Variants in ADGRF5 observed in about 807,000 individuals in gnomAD.
ADGRF5 encodes the protein adhesion G protein-coupled receptor F5, also known as G-protein coupled receptor 116.
In ADGRF5, 75 loss-of-function variants were observed where a neutral mutation model predicts 132.3. The ratio of observed to expected loss-of-function variants is 0.57; its 90% CI spans 0.47 to 0.69. The LOEUF is 0.69. Ranked by LOEUF, ADGRF5 falls within the 30% of genes least tolerant of loss-of-function variation. The pLI, the probability that ADGRF5 is intolerant of heterozygous loss-of-function variation, is 0.00. For missense variants in ADGRF5, 1,516 were observed against 1,630.6 expected (o/e 0.93, Z 1.21); for synonymous variants, 629 against 597.6 (o/e 1.05, Z -0.77).
chr6:46,893,518 C>G (rs1773870882), intron 3 of ADGRF5, among the ~76,000 whole-genome samples: 1 of 152,052 alleles, frequency 6.6e-6, no homozygotes, highest in Admixed American at 6.6e-5. Context: ...TTAGAAATGC[C>G]AAACCCACCT....
intron 20 of ADGRF5, among the ~76,000 whole-genome samples, chr6:46,855,353 T>C (rs1228221435): frequency 2.0e-5 from 3 of 152,218 alleles, no homozygotes; most frequent in Non-Finnish European, 1.5e-5. Flanking sequence ...TATATTTGCT[T>C]ATTTAATTCT....
Position 46,935,164 on chromosome 6 carries a change from C to A in ADGRF5, c.-25+19570G>T, listed in dbSNP as rs374776543. Reference sequence around the variant, plus strand: ...GACTACAGGCGTGTGCCACAAGGCCCGGCTAATTTTTTGTATCTTTAGTAG... The same window carrying A: ...GACTACAGGCGTGTGCCACAAGGCCAGGCTAATTTTTTGTATCTTTAGTAG... On this transcript the variant is annotated intron_variant, in intron 1 of 20. Coordinates refer to the ADGRF5 transcript ENST00000265417. Among the ~76,000 whole-genome samples the A allele has an allele frequency of 5.3e-4, 80 of 151,704 alleles. 1 individual carries two copies. The South Asian group carries it at 0.013, about 24-fold the overall frequency.
At chr6:46,951,514 A>C (rs981817822) in intron 1 of ADGRF5, among the ~76,000 whole-genome samples, 11 of 152,186 alleles carry the variant, frequency 7.2e-5, no homozygotes, top group Admixed American at 6.5e-5. Flanking sequence ...GCTAAGACAC[A>C]AATCTTTGGG....
intron 10 of ADGRF5, among the ~76,000 whole-genome samples, chr6:46,875,509 G>A (rs1771555142): frequency 6.6e-6 from 1 of 152,182 alleles, no homozygotes; most frequent in South Asian, 2.1e-4. Flanking sequence ...TTGAGGCCAG[G>A]TGTAGTGGCT....
intron 20 of ADGRF5, chr6:46,854,847 T>A (rs1424628921): frequency 1.0e-5 from 7 of 695,874 alleles, no homozygotes; most frequent in Non-Finnish European, 1.6e-5. Context: ...GGGACTTTCA[T>A]AATCAGAAGT....
intron 10 of ADGRF5, among the ~76,000 whole-genome samples, chr6:46,875,644 G>T (rs918966699): frequency 9.2e-5 from 14 of 152,094 alleles, no homozygotes; most frequent in Admixed American, 7.2e-4. Context: ...GGGTGTGGTG[G>T]CAGGCACCTA....
chr6:46,879,973 T>C lies in ADGRF5; in HGVS notation c.881A>G (p.Glu294Gly), dbSNP rs1221043037. ...CACATTGGAGGACAAAACTTCCTTT[T>C]CACACACCAGACTGACTGTGTCCCC... is the stretch of plus-strand genomic sequence containing the variant. The part of the protein sequence containing the change: ...FEGDTVSLVC[E>G]KEVLSSNVSW... The change falls in exon 9 of 21, where the codon GAA becomes GGA. Residue 294 changes from glutamate (E) to glycine (G), a missense_variant. Transcript: ENST00000283296. 4 of 1,614,142 alleles carry C rather than the reference T, an allele frequency of 2.5e-6. No individual in the cohort carries two copies. The highest frequency in any genetic ancestry group is 3.4e-6 in the Non-Finnish European group (4 of 1,179,978).
intron 4 of ADGRF5, among the ~76,000 whole-genome samples, chr6:46,885,937 T>C (rs1035517334): frequency 1.3e-5 from 2 of 152,248 alleles, no homozygotes; most frequent in African/African-American, 4.8e-5. Context: ...GTTTGTTATT[T>C]TATGATGCTA....
chr6:46,918,445 T>G (rs1776613507), intron 1 of ADGRF5, among the ~76,000 whole-genome samples: 1 of 152,186 alleles, frequency 6.6e-6, no homozygotes, highest in Non-Finnish European at 1.5e-5. Flanking sequence ...CTATTCATAT[T>G]TAGTTCAACC....
chr6:46,919,789 A>G (rs1776754778), intron 1 of ADGRF5, among the ~76,000 whole-genome samples: 1 of 152,256 alleles, frequency 6.6e-6, no homozygotes. Flanking sequence ...TTTGGGGTGG[A>G]GAAACCCTGT....
At chr6:46,915,288 TTAATAA>T (rs76660188) in intron 1 of ADGRF5, among the ~76,000 whole-genome samples, 233 of 149,602 alleles carry the variant, frequency 1.6e-3, no homozygotes, top group African/African-American at 5.4e-3. Flanking sequence ...CTTGACTATT[TTAATAA>T]TAATAATAAT....
chr6:46,932,530 G>A (rs527347627), intron 1 of ADGRF5, among the ~76,000 whole-genome samples: 6 of 152,236 alleles, frequency 3.9e-5, no homozygotes, highest in African/African-American at 1.4e-4. Context: ...GCCCCCTGAA[G>A]CCCTTTGTTT....
chr6:46,857,069 T>A (rs1298466428), intron 17 of ADGRF5, among the ~76,000 whole-genome samples, 161 bp from the exon 18 acceptor site: 1 of 152,254 alleles, frequency 6.6e-6, no homozygotes, highest in Non-Finnish European at 1.5e-5. Context: ...GACAGGCATT[T>A]GGTCCACACC....
intron 1 of ADGRF5, among the ~76,000 whole-genome samples, chr6:46,920,140 T>C (rs574590209): frequency 6.6e-6 from 1 of 152,346 alleles, no homozygotes; most frequent in African/African-American, 2.4e-5. Flanking sequence ...TCCTGTTATT[T>C]TATCTTCTCC....
Position 46,900,042 on chromosome 6 carries a change from C to T in ADGRF5, c.144G>A (p.Arg48=), listed in dbSNP as rs1774591085. The T allele has an allele frequency of 2.5e-6, 4 of 1,611,516 alleles. No homozygotes were observed. Among genetic ancestry groups the T allele is most frequent in the African/African-American group, 2.7e-5 (2 of 74,836 alleles). The part of the protein sequence containing the change: ...EHEPAGEEAL[R]QKRAVATKSP... The stretch of plus-strand genomic sequence containing the variant: ...GAGTTTACATACCGGCTCGTTTTTG[C>T]CTCAGTGCCTCTTCACCAGCTGGTT... The change falls in exon 3 of 21, where the codon AGG becomes AGA. Residue 48 remains arginine, a synonymous_variant. Transcript: ENST00000283296.
rs1428721090 is a variant in ADGRF5, at chr6:46,853,066, T to C, written c.*926A>G. 6.6e-6 allele frequency: 1 copy of C among 152,586 alleles called. No individual in the cohort carries two copies. Among genetic ancestry groups the C allele is most frequent in the Non-Finnish European group, 1.5e-5 (1 of 68,038 alleles). 9.5% of individuals were successfully genotyped at this position (152,586 alleles called of 1,614,324 possible). ...AATTGAAGGGTATATCAAATATATA[T>C]TTTTTGCTTTCAAAATGTGGAACAA... On this transcript the variant is annotated 3_prime_UTR_variant, in exon 21 of 21. Transcript: ENST00000283296.
chr6:46,943,269 G>A (rs1327993763), intron 1 of ADGRF5, among the ~76,000 whole-genome samples: 1 of 152,154 alleles, frequency 6.6e-6, no homozygotes, highest in Non-Finnish European at 1.5e-5. Context: ...AGCAGCTGAG[G>A]TTCGATCTAC....
intron 1 of ADGRF5, among the ~76,000 whole-genome samples, chr6:46,943,828 C>T (rs1016798266): frequency 4.6e-5 from 7 of 152,112 alleles, no homozygotes; most frequent in African/African-American, 9.7e-5. Flanking sequence ...GTTAAACATA[C>T]GATGGTTCAA....
chr6:46,944,846 T>C (rs1285914706), intron 1 of ADGRF5, among the ~76,000 whole-genome samples: 1 of 152,150 alleles, frequency 6.6e-6, no homozygotes, highest in Non-Finnish European at 1.5e-5. Flanking sequence ...TCTGGCCTTG[T>C]ACCCTAAGAT....
Sources: gnomAD v4.1 joint callset for allele counts (sites outside exome capture counted in the v4.1 genomes callset) on GRCh38, gnomAD v4.1.1 for gene constraint, MANE v1.5 for transcripts, NCBI Gene and HGNC (gene_info 2026-07-23, HGNC 2026-07-21) for gene names.